PSD3: variants seen among roughly 807,000 people sequenced by gnomAD.
PSD3 encodes PH and SEC7 domain-containing protein 3.
In PSD3, 49 loss-of-function variants were observed where a neutral mutation model predicts 105.5. The ratio of observed to expected loss-of-function variants is 0.46; its 90% CI spans 0.37 to 0.59. The LOEUF (loss-of-function observed/expected upper bound fraction) is 0.59, where lower values mean the gene tolerates loss of function less well. Ranked by LOEUF, PSD3 falls within the 20% of genes least tolerant of loss-of-function variation. The pLI, the probability that PSD3 is intolerant of heterozygous loss-of-function variation, is 0.00. For synonymous variants in PSD3, 557 were observed against 457.8 expected, an observed-to-expected ratio of 1.22 and a Z score of -2.77; for missense variants, 1,561 against 1,263.8, an observed-to-expected ratio of 1.24 and a Z score of -3.57.
chr8:18,870,557 C>T (rs1390803196), intron 3 of PSD3, among the ~76,000 whole-genome samples: 1 of 151,884 alleles, frequency 6.6e-6, no homozygotes. Context: ...GGAGGGATGG[C>T]ATTAGGAGAA....
chr8:18,745,796 C>T (rs938014303), intron 9 of PSD3, among the ~76,000 whole-genome samples: 1 of 152,190 alleles, frequency 6.6e-6, no homozygotes, highest in African/African-American at 2.4e-5. Flanking sequence ...TCAATCCATA[C>T]ATTAAAAATT....
chr8:18,744,383 C>T (rs1246688354), intron 9 of PSD3, among the ~76,000 whole-genome samples: 1 of 152,212 alleles, frequency 6.6e-6, no homozygotes, highest in Non-Finnish European at 1.5e-5. Flanking sequence ...CTCTTAACCC[C>T]TTCTCTTCAC....
intron 15 of PSD3, among the ~76,000 whole-genome samples, chr8:18,542,893 T>C (rs765929417): frequency 6.6e-6 from 1 of 152,240 alleles, no homozygotes; most frequent in African/African-American, 2.4e-5. Context: ...TATCTTTGTC[T>C]CTGCAGATTC....
At chr8:18,850,164 A>G (rs11776654) in intron 4 of PSD3, among the ~76,000 whole-genome samples, 23,554 of 152,284 alleles carry the variant, frequency 0.15, 2,161 homozygotes, top group Admixed American at 0.29. Context: ...GATGAAAAGC[A>G]TTGAAAACCA....
At chr8:18,999,334 T>C (rs966259259) in intron 1 of PSD3, among the ~76,000 whole-genome samples, 4 of 151,898 alleles carry the variant, frequency 2.6e-5, no homozygotes, top group Admixed American at 6.6e-5. Flanking sequence ...TACCTGCTGC[T>C]CACAGCTGGT....
chr8:19,044,407 T>C (rs1358560682), intron 1 of PSD3, among the ~76,000 whole-genome samples: 4 of 152,212 alleles, frequency 2.6e-5, no homozygotes, highest in Non-Finnish European at 5.9e-5. Flanking sequence ...GATTCAATTC[T>C]AGGCTCTTCC....
chr8:18,892,837 C>T (rs565360209), intron 2 of PSD3, among the ~76,000 whole-genome samples: 59 of 151,812 alleles, frequency 3.9e-4, no homozygotes, highest in Non-Finnish European at 7.7e-4. Flanking sequence ...GTTGGCCAGG[C>T]TGGTCTCAAA....
chr8:18,626,477 G>C (rs1422737074), intron 11 of PSD3, among the ~76,000 whole-genome samples: 1 of 152,100 alleles, frequency 6.6e-6, no homozygotes, highest in African/African-American at 2.4e-5. Flanking sequence ...TAAGTATTTA[G>C]AAAATAAGTA....
At chr8:19,049,145 T>C (rs1241840220) in intron 1 of PSD3, among the ~76,000 whole-genome samples, 2 of 152,168 alleles carry the variant, frequency 1.3e-5, no homozygotes, top group Non-Finnish European at 2.9e-5. Context: ...AAAGGCCCTA[T>C]CGCCAAATAC....
chr8:18,907,543 T>C (rs1211258552), intron 2 of PSD3, among the ~76,000 whole-genome samples: 1 of 152,216 alleles, frequency 6.6e-6, no homozygotes, highest in African/African-American at 2.4e-5. Flanking sequence ...ATACAAATAC[T>C]TACCATTGTG....
intron 10 of PSD3, among the ~76,000 whole-genome samples, chr8:18,651,828 G>A (rs937401151): frequency 6.6e-6 from 1 of 152,186 alleles, no homozygotes; most frequent in Admixed American, 6.5e-5. Flanking sequence ...CCTAGCAGAG[G>A]TGACTTCACG....
intron 9 of PSD3, chr8:18,732,902 A>G (rs1377404008): frequency 6.6e-6 from 1 of 152,106 alleles, no homozygotes; most frequent in Non-Finnish European, 1.5e-5. Flanking sequence ...AATTAGGAAA[A>G]AGATAAGATG....
intron 1 of PSD3, among the ~76,000 whole-genome samples, chr8:18,951,942 C>T (rs149556093): frequency 1.1e-4 from 17 of 152,132 alleles, no homozygotes; most frequent in Admixed American, 2.0e-4. Context: ...GCACCCCAGC[C>T]TGGGCAACAA....
intron 8 of PSD3, among the ~76,000 whole-genome samples, chr8:18,773,929 G>A (rs335228): frequency 0.96 from 146,352 of 152,284 alleles, 70,507 homozygotes; most frequent in Non-Finnish European, 0.98. Flanking sequence ...TCAGTATTTT[G>A]TAGTTTCACT....
intron 9 of PSD3, among the ~76,000 whole-genome samples, chr8:18,688,515 G>T (rs1298121613): frequency 6.6e-6 from 1 of 152,164 alleles, no homozygotes. Flanking sequence ...GTATCATATT[G>T]TAACAGGGTC....
intron 1 of PSD3, among the ~76,000 whole-genome samples, chr8:18,949,244 A>AATATATATATATATAT (rs1215845074): frequency 7.6e-4 from 11 of 14,404 alleles, no homozygotes; most frequent in Non-Finnish European, 1.1e-3. Flanking sequence ...AAAAAAAAAA[A>AATATATATATATATAT]ATATATATAT....
rs541465690 is a variant in PSD3 at position 18,844,341 on chromosome 8, TATAA to T, written c.1634+23329_1634+23332del. On this transcript the variant is annotated intron_variant, in intron 4 of 15. Transcript: ENST00000327040. ...TTTTCCCTGTTGTATTTCATTAATA[TATAA>T]ATAATTTAAGATAGACACTTATACC... 1.8e-3 allele frequency among the ~76,000 whole-genome samples: 267 copies of T among 152,300 alleles called. 1 individual carries two copies. Among genetic ancestry groups the T allele is most frequent in the African/African-American group, 6.1e-3 (252 of 41,566 alleles).
intron 9 of PSD3, among the ~76,000 whole-genome samples, chr8:18,703,401 C>G (rs934439941): frequency 6.6e-6 from 1 of 152,108 alleles, no homozygotes; most frequent in South Asian, 2.1e-4. Context: ...ACTTTTAAGA[C>G]GTCGAAATTG....
chr8:18,659,621 T>G (rs896626720), intron 9 of PSD3, among the ~76,000 whole-genome samples: 2 of 152,194 alleles, frequency 1.3e-5, no homozygotes, highest in Admixed American at 1.3e-4. Context: ...GAAAAGATAA[T>G]AAGACTTGTG....
Sources: gnomAD v4.1 joint callset for allele counts (sites outside exome capture counted in the v4.1 genomes callset) on GRCh38, gnomAD v4.1.1 for gene constraint, MANE v1.5 for transcripts, NCBI Gene and HGNC (gene_info 2026-07-23, HGNC 2026-07-21) for gene names.